MMRN1: variants seen among roughly 807,000 people sequenced by gnomAD.
The protein encoded by MMRN1 is multimerin 1.
A neutral mutation model predicts 100.7 loss-of-function variants in MMRN1; 94 were observed. The ratio of observed to expected loss-of-function variants is 0.93; its 90% CI spans 0.79 to 1.11. The LOEUF (loss-of-function observed/expected upper bound fraction) is 1.11. Among genes scored for constraint, MMRN1 ranks in the 50% least tolerant of loss-of-function variants. The pLI, the probability that MMRN1 is intolerant of heterozygous loss-of-function variation, is 0.00. For synonymous variants in MMRN1, 575 were observed against 505.0 expected (o/e 1.14, Z -1.86); for missense variants, 1,606 against 1,439.1 (o/e 1.12, Z -1.88).
At chr4:89,886,989 A>G (rs1208330550) in intron 1 of MMRN1, among the ~76,000 whole-genome samples, 2 of 152,040 alleles carry the variant, frequency 1.3e-5, no homozygotes, top group Non-Finnish European at 2.9e-5. Context: ...CCAATAACCA[A>G]CCTTTCTTTA....
At chr4:89,892,648 C>A (rs1212505924), upstream of MMRN1, among the ~76,000 whole-genome samples, 1 of 151,746 alleles carries the variant, frequency 6.6e-6, no homozygotes, top group South Asian at 2.1e-4. Flanking sequence ...AGATACAGAA[C>A]CTTTAGCCTT....
At chr4:89,922,312 G>A (rs988037658) in intron 3 of MMRN1, among the ~76,000 whole-genome samples, 5 of 151,898 alleles carry the variant, frequency 3.3e-5, no homozygotes, top group Non-Finnish European at 7.4e-5. Flanking sequence ...TCACTATGTT[G>A]GCCAGGCTGG....
In MMRN1 at chr4:89,886,089, C is replaced by T. The variant is rs552980617; in HGVS notation, c.-249+6487C>T. 1.1e-3 allele frequency among the ~76,000 whole-genome samples: 156 copies of T among 140,902 alleles called. 1 individual carries two copies. Among genetic ancestry groups the T allele is most frequent in the African/African-American group, 4.0e-3 (151 of 37,736 alleles). 92.4% of individuals were successfully genotyped at this position (140,902 alleles called of 152,430 possible). A position where few individuals can be genotyped will look rare whatever the true frequency, so the allele number is the denominator to read the frequency against. ...GTATTTTAGTAGACGTGGGGTTTTG[C>T]CACATTTCCCATGCTGGTCTCAAAC... On this transcript the variant is annotated intron_variant, in intron 1 of 8. Transcript: ENST00000394980.
intron 3 of MMRN1, 35 bp downstream of exon 3, chr4:89,912,085 A>G (rs771126300): frequency 5.8e-6 from 8 of 1,376,264 alleles, no homozygotes; most frequent in Non-Finnish European, 7.0e-6. Context: ...AATTCTGAAC[A>G]ATAAGAAACT....
intron 6 of MMRN1, among the ~76,000 whole-genome samples, chr4:89,942,205 G>A (rs1722852708): frequency 6.6e-6 from 1 of 152,068 alleles, no homozygotes; most frequent in Admixed American, 6.6e-5. Context: ...AAAATCACAG[G>A]AGCTACTTCC....
intron 1 of MMRN1, among the ~76,000 whole-genome samples, chr4:89,906,235 A>G (rs1389390371): frequency 6.6e-6 from 1 of 151,556 alleles, no homozygotes; most frequent in Non-Finnish European, 1.5e-5. Flanking sequence ...CTCTTAGTTC[A>G]TTATCCACAA....
chr4:89,925,488 T>A (rs138922552), intron 4 of MMRN1, among the ~76,000 whole-genome samples: 1,877 of 143,370 alleles, frequency 0.013, 22 homozygotes, highest in Middle Eastern at 0.062. Flanking sequence ...AACAAATTTT[T>A]ATTTATATTT....
chr4:89,913,958 T>A (rs1353387996), intron 3 of MMRN1, among the ~76,000 whole-genome samples: 1 of 151,434 alleles, frequency 6.6e-6, no homozygotes, highest in Non-Finnish European at 1.5e-5. Flanking sequence ...AATAGCCTCC[T>A]GTTGCTCTCT....
chr4:89,905,424 G>A (rs1721533446), intron 1 of MMRN1, among the ~76,000 whole-genome samples: 1 of 151,278 alleles, frequency 6.6e-6, no homozygotes, highest in African/African-American at 2.4e-5. Flanking sequence ...TTCTTCCCCT[G>A]AAGCATTTAT....
At chr4:89,929,101 C>T (rs1005047551) in intron 5 of MMRN1, among the ~76,000 whole-genome samples, 1 of 152,038 alleles carries the variant, frequency 6.6e-6, no homozygotes, top group Non-Finnish European at 1.5e-5. Context: ...TCGGGTAGGG[C>T]AAGGATGTTC....
At chr4:89,890,678 T>C (rs2110574554), upstream of MMRN1, among the ~76,000 whole-genome samples, 1 of 152,206 alleles carries the variant, frequency 6.6e-6, no homozygotes, top group South Asian at 2.1e-4. Context: ...TCTAAAATGA[T>C]CAAAAGAAAT....
intron 5 of MMRN1, among the ~76,000 whole-genome samples, chr4:89,932,306 G>A (rs1038467839): frequency 1.3e-5 from 2 of 152,156 alleles, no homozygotes; most frequent in Non-Finnish European, 2.9e-5. Context: ...GCTTTGCAGG[G>A]TACAGCCTCT....
At chr4:89,889,869 A>C (rs941762942), upstream of MMRN1, among the ~76,000 whole-genome samples, 1 of 152,044 alleles carries the variant, frequency 6.6e-6, no homozygotes, top group African/African-American at 2.4e-5. Flanking sequence ...TCTCTAGTAC[A>C]TTCTCATTTC....
upstream of MMRN1, among the ~76,000 whole-genome samples, chr4:89,891,851 G>A (rs965488540): frequency 3.9e-5 from 6 of 152,048 alleles, no homozygotes; most frequent in South Asian, 1.0e-3. Context: ...GAAAACAGCT[G>A]CTGAAAAATC....
intron 1 of MMRN1, among the ~76,000 whole-genome samples, chr4:89,896,806 T>C (rs1340795158): frequency 6.6e-6 from 1 of 152,188 alleles, no homozygotes; most frequent in Non-Finnish European, 1.5e-5. Context: ...TTCAAGTCTA[T>C]TTTTCACTAT....
In MMRN1 at chr4:89,889,497, C is replaced by T. The variant is rs556617995; in HGVS notation, c.-248-5227C>T. 3.9e-5 allele frequency among the ~76,000 whole-genome samples: 6 copies of T among 152,206 alleles called. No homozygotes were observed. In the South Asian group the frequency reaches 1.2e-3, roughly 32 times the overall value. ...CTGAGTAGTAGGTTTCAGTTCCCTG[C>T]CAGCCCACAGAATTATTCGAACAAG... On this transcript the variant is annotated intron_variant, in intron 1 of 8. Transcript: ENST00000394980.
chr4:89,953,442 A>G lies in MMRN1; in HGVS notation c.*24A>G. The G allele has an allele frequency of 6.5e-7, 1 of 1,537,568 alleles. No individual in the cohort carries two copies. Among genetic ancestry groups the G allele is most frequent in the Non-Finnish European group, 8.7e-7 (1 of 1,144,204 alleles). ...AAGTTAGTATGAAAAACAGACTATCACCTTTATTGAGAAACAGCCAGTGTT... is the reference window on the plus strand; with the variant it reads ...AAGTTAGTATGAAAAACAGACTATCGCCTTTATTGAGAAACAGCCAGTGTT... On this transcript the variant is annotated 3_prime_UTR_variant, in exon 8 of 8. Coordinates refer to ENST00000264790, the MANE Select transcript of MMRN1 (RefSeq NM_007351.3).
At chr4:89,921,378 T>TGG (rs1364965086) in intron 3 of MMRN1, among the ~76,000 whole-genome samples, 3 of 152,116 alleles carry the variant, frequency 2.0e-5, no homozygotes, top group African/African-American at 7.2e-5. Context: ...AGGACCCCAG[T>TGG]CTGAGAACCA....
chr4:89,888,017 C>T (rs889351419), intron 1 of MMRN1, among the ~76,000 whole-genome samples: 7 of 152,064 alleles, frequency 4.6e-5, no homozygotes, highest in Middle Eastern at 3.4e-3. Context: ...AGACACTATT[C>T]ATTTTGTTCA....
Sources: allele counts gnomAD v4.1 joint callset (sites outside exome capture counted in the v4.1 genomes callset), GRCh38; gene constraint gnomAD v4.1.1; transcripts MANE v1.5; gene names NCBI Gene and HGNC (gene_info 2026-07-23, HGNC 2026-07-21).